RIT2: variants seen among roughly 807,000 people sequenced by gnomAD.
The protein encoded by RIT2 is Ras like without CAAX 2.
A neutral mutation model predicts 23.7 loss-of-function variants in RIT2; 24 were observed. That is an observed-to-expected ratio of 1.01 (90% confidence interval 0.73 to 1.43). The LOEUF (loss-of-function observed/expected upper bound fraction) is 1.43. Ranked by LOEUF, RIT2 falls within the 40% of genes most tolerant of loss-of-function variation. The pLI is 0.00. For missense variants in RIT2, 236 were observed against 266.9 expected (o/e 0.88, Z 0.81); for synonymous variants, 107 against 91.1 (o/e 1.17, Z -0.99).
chr18:43,057,122 T>C (rs1912522794), intron 1 of RIT2, among the ~76,000 whole-genome samples: 1 of 151,842 alleles, frequency 6.6e-6, no homozygotes, highest in Non-Finnish European at 1.5e-5. Flanking sequence ...GAATATTGAG[T>C]TATATATTTC....
At chr18:43,063,069 A>G (rs1259708547) in intron 1 of RIT2, among the ~76,000 whole-genome samples, 2 of 152,198 alleles carry the variant, frequency 1.3e-5, no homozygotes, top group Non-Finnish European at 2.9e-5. Flanking sequence ...AAAGAAGTTC[A>G]CAACAGAACA....
intron 1 of RIT2, among the ~76,000 whole-genome samples, chr18:43,110,969 A>AG (rs966308717): frequency 6.6e-6 from 1 of 152,162 alleles, no homozygotes; most frequent in African/African-American, 2.4e-5. Context: ...TACTTTTTAT[A>AG]GGGGGTGGCA....
intron 4 of RIT2, among the ~76,000 whole-genome samples, chr18:42,817,682 C>A (rs1372993894): frequency 6.6e-6 from 1 of 151,890 alleles, no homozygotes. Flanking sequence ...GACTTTAGGG[C>A]CAATTAAATT....
At chr18:43,054,226 TA>T (rs1197476715) in intron 1 of RIT2, among the ~76,000 whole-genome samples, 1 of 152,006 alleles carries the variant, frequency 6.6e-6, no homozygotes, top group Non-Finnish European at 1.5e-5. Context: ...TCCTTTCTGA[TA>T]AAAATGAAGG....
chr18:42,840,921 AT>A (rs2144023626), intron 4 of RIT2, among the ~76,000 whole-genome samples: 1 of 152,346 alleles, frequency 6.6e-6, no homozygotes, highest in East Asian at 1.9e-4. Context: ...CGTCTGTCAT[AT>A]GGTAAATCCC....
intron 2 of RIT2, among the ~76,000 whole-genome samples, chr18:42,993,067 C>T (rs937311759): frequency 1.3e-5 from 2 of 152,196 alleles, no homozygotes; most frequent in Non-Finnish European, 2.9e-5. Flanking sequence ...CCAGCCACAT[C>T]TCCAGCACAC....
intron 4 of RIT2, among the ~76,000 whole-genome samples, chr18:42,829,125 T>C (rs1051751633): frequency 6.6e-6 from 1 of 152,134 alleles, no homozygotes; most frequent in Non-Finnish European, 1.5e-5. Flanking sequence ...ATATTACAGA[T>C]GGATTGGAGC....
At chr18:42,841,854 A>G (rs528306395) in intron 4 of RIT2, among the ~76,000 whole-genome samples, 31 of 152,282 alleles carry the variant, frequency 2.0e-4, no homozygotes, top group South Asian at 4.1e-4. Context: ...GACTTATACT[A>G]TAGTTTATAT....
intron 4 of RIT2, among the ~76,000 whole-genome samples, chr18:42,873,076 C>A (rs1215031758): frequency 6.6e-6 from 1 of 152,100 alleles, no homozygotes; most frequent in Non-Finnish European, 1.5e-5. Context: ...GCTGTCCTAA[C>A]CTAGTCCTTG....
intron 1 of RIT2, among the ~76,000 whole-genome samples, chr18:43,085,933 T>C (rs1315580265): frequency 6.6e-6 from 1 of 152,152 alleles, no homozygotes; most frequent in Non-Finnish European, 1.5e-5. Context: ...CCTGCCACCA[T>C]GTAAGACATA....
At chr18:42,746,854 C>G (rs1030198906) in intron 4 of RIT2, among the ~76,000 whole-genome samples, 3 of 151,982 alleles carry the variant, frequency 2.0e-5, no homozygotes, top group African/African-American at 4.8e-5. Context: ...ATCCAGCATC[C>G]CTTTGTGATT....
chr18:43,112,797 T>C (rs1389577354), intron 1 of RIT2, among the ~76,000 whole-genome samples: 1 of 152,150 alleles, frequency 6.6e-6, no homozygotes, highest in Non-Finnish European at 1.5e-5. Flanking sequence ...TCCAAGATTT[T>C]AAAAATTATA....
At chr18:43,093,876 G>T (rs1325319892) in intron 1 of RIT2, among the ~76,000 whole-genome samples, 1 of 151,912 alleles carries the variant, frequency 6.6e-6, no homozygotes, top group Non-Finnish European at 1.5e-5. Flanking sequence ...TATTAAAATA[G>T]TTTATGCAAG....
At chr18:42,899,339 G>C (rs1234072321) in intron 4 of RIT2, among the ~76,000 whole-genome samples, 1 of 151,058 alleles carries the variant, frequency 6.6e-6, no homozygotes, top group Non-Finnish European at 1.5e-5. Context: ...TTCAAAATGA[G>C]TGCTTTCCTT....
chr18:42,823,194 C>G (rs1231801025), intron 4 of RIT2, among the ~76,000 whole-genome samples: 1 of 152,148 alleles, frequency 6.6e-6, no homozygotes, highest in Non-Finnish European at 1.5e-5. Flanking sequence ...AAAAATTTCT[C>G]TGAGTGCTCC....
intron 4 of RIT2, among the ~76,000 whole-genome samples, chr18:42,782,462 A>C (rs1913832675): frequency 6.6e-6 from 1 of 152,096 alleles, no homozygotes; most frequent in Non-Finnish European, 1.5e-5. Flanking sequence ...TTATACACGT[A>C]TTTGCCTGGC....
chr18:42,972,119 C>A (rs1181624274), intron 3 of RIT2, among the ~76,000 whole-genome samples: 1 of 151,872 alleles, frequency 6.6e-6, no homozygotes, highest in African/African-American at 2.4e-5. Context: ...GCTACAAACC[C>A]CCTATTATCA....
At chr18:43,023,172 T>A (rs1911636019) in intron 2 of RIT2, among the ~76,000 whole-genome samples, 2 of 152,060 alleles carry the variant, frequency 1.3e-5, no homozygotes, top group Admixed American at 1.3e-4. Flanking sequence ...GCTACTCATA[T>A]CCAGTTTTTC....
chr18:42,767,768 T>C (rs968117056), intron 4 of RIT2, among the ~76,000 whole-genome samples: 1 of 152,302 alleles, frequency 6.6e-6, no homozygotes, highest in Non-Finnish European at 1.5e-5. Flanking sequence ...GGAAAGGTAA[T>C]TGAATCATGA....
Sources: gnomAD v4.1 joint callset for allele counts (sites outside exome capture counted in the v4.1 genomes callset) on GRCh38, gnomAD v4.1.1 for gene constraint, MANE v1.5 for transcripts, NCBI Gene and HGNC (gene_info 2026-07-23, HGNC 2026-07-21) for gene names.